The following PUS7L variants were observed in gnomAD, a reference collection of about 807,000 sequenced individuals.
PUS7L encodes the protein pseudouridylate synthase PUS7L.
A neutral mutation model predicts 51.1 loss-of-function variants in PUS7L; 49 were observed. That is an observed-to-expected ratio of 0.96 (90% CI 0.76 to 1.22). The LOEUF (loss-of-function observed/expected upper bound fraction) is 1.22, where lower values mean the gene tolerates loss of function less well. Among genes scored for constraint, PUS7L ranks in the 50% most tolerant of loss-of-function variants. The probability of loss-of-function intolerance (pLI) is 0.00; values close to 1 mark genes in which losing one functional copy is unlikely to be tolerated. For missense variants in PUS7L, 828 were observed against 820.6 expected, an observed-to-expected ratio of 1.01 and a Z score of -0.11; for synonymous variants, 277 against 276.2, an observed-to-expected ratio of 1.00 and a Z score of -0.03.
At chr12:43,750,154 T>A (rs1255743940) in intron 2 of PUS7L, among the ~76,000 whole-genome samples, 2 of 151,898 alleles carry the variant, frequency 1.3e-5, no homozygotes, top group African/African-American at 4.8e-5. Context: ...TTTGGACATG[T>A]CATTCAAAAA....
chr12:43,731,901 G>T, intron 7 of PUS7L, 143 bp from the exon 8 acceptor site: 1 of 595,042 alleles, frequency 1.7e-6, no homozygotes, highest in Non-Finnish European at 3.0e-6. Flanking sequence ...ATCATAATTT[G>T]TTTCTGGAGG....
chr12:43,735,872 G>A (rs1313853257), intron 7 of PUS7L, among the ~76,000 whole-genome samples: 1 of 152,066 alleles, frequency 6.6e-6, no homozygotes, highest in African/African-American at 2.4e-5. Context: ...CGCCTCCCAG[G>A]TTCAAGAGAT....
At chr12:43,736,203 C>T (rs1944684538) in intron 7 of PUS7L, among the ~76,000 whole-genome samples, 178 bp downstream of exon 7, 1 of 151,984 alleles carries the variant, frequency 6.6e-6, no homozygotes, top group South Asian at 2.1e-4. Context: ...TTCCATTTAC[C>T]AACATGTGTT....
chr12:43,730,608 GTCTGTAGTCCATC>G lies in PUS7L; in HGVS notation c.1861_1873del (p.Asp621HisfsTer9). On this transcript the variant is annotated frameshift_variant, in exon 9 of 9. Transcript: ENST00000344862. LOFTEE classifies it low-confidence loss of function (END_TRUNC). ...CAGAGTAGGTACTTTAAACCTACAT[GTCTGTAGTCCATC>G]TCTGCTAAGTATGTCATGGTACCAC... 1 of 1,612,638 alleles carries G rather than the reference GTCTGTAGTCCATC, an allele frequency of 6.2e-7. No homozygotes were observed. The highest frequency in any genetic ancestry group is 8.5e-7 in the Non-Finnish European group (1 of 1,178,750).
At position 43,754,973 on chromosome 12, in the gene PUS7L, C is replaced by G. The variant is rs370195483; in HGVS notation, c.273G>C (p.Leu91Phe). ...TTTGGTCACCATCAGTGTACTTAAT[C>G]AAAGTATGAACTTCTTGGTTTCTTC... ...EDGRNQEVHT[L>F]IKYTDGDQNH... The change falls in exon 2 of 9, where the codon TTG (leucine) becomes TTC (phenylalanine). Residue 91 changes from leucine (L) to phenylalanine (F), a missense_variant. Leu to Phe is a conservative substitution (Grantham distance 22, BLOSUM62 0). Coordinates refer to ENST00000344862, the MANE Select transcript of PUS7L (RefSeq NM_031292.5). 7.1e-5 allele frequency: 114 copies of G among 1,613,712 alleles called. No individual in the cohort carries two copies. The highest frequency in any genetic ancestry group is 2.2e-4 in the South Asian group (20 of 91,030).
rs776245410 is a variant in PUS7L, at chr12:43,754,626, C to T, written c.620G>A (p.Cys207Tyr). The change falls in exon 2 of 9, where the codon TGT becomes TAT. Residue 207 changes from cysteine (C) to tyrosine (Y), a missense_variant. Coordinates refer to ENST00000344862, the MANE Select transcript of PUS7L (RefSeq NM_031292.5). ...VKPNLEYKEL[C>Y]HLVSEEEAFD... ...TGCTTCCTCTTCAGATACCAAATGA[C>T]AAAGTTCTTTATATTCAAGATTTGG... 6.2e-7 allele frequency: 1 copy of T among 1,613,336 alleles called. No homozygotes were observed. Among genetic ancestry groups the T allele is most frequent in the Non-Finnish European group, 8.5e-7 (1 of 1,179,714 alleles).
At chr12:43,756,838 A>G (rs1397707980) in intron 1 of PUS7L, among the ~76,000 whole-genome samples, 1 of 152,226 alleles carries the variant, frequency 6.6e-6, no homozygotes, top group Admixed American at 6.5e-5. Context: ...TTCTATAACT[A>G]GCCCACAAAC....
At chr12:43,742,004 A>C (rs1195385653) in intron 5 of PUS7L, among the ~76,000 whole-genome samples, 1 of 152,186 alleles carries the variant, frequency 6.6e-6, no homozygotes, top group Non-Finnish European at 1.5e-5. Flanking sequence ...CGCTTTTAAT[A>C]TTTCAGCAAA....
rs532593833 is a variant in PUS7L at position 43,722,579 on chromosome 12, A to T, written c.*7797T>A. On this transcript the variant is annotated 3_prime_UTR_variant, in exon 9 of 9. Coordinates refer to ENST00000344862, the MANE Select transcript of PUS7L (RefSeq NM_031292.5). ...GATTCCTTTGCGATATTTTATAGAA[A>T]AATAAATTAGTTTCCTTTTGAAAAT... 244 of 152,270 alleles carry T rather than the reference A, an allele frequency of 1.6e-3. No individual in the cohort carries two copies. The highest frequency in any genetic ancestry group is 5.7e-3 in the African/African-American group (235 of 41,572). 9.4% of individuals were successfully genotyped at this position (152,270 alleles called of 1,614,324 possible). A position where few individuals can be genotyped will look rare whatever the true frequency, so the allele number is the denominator to read the frequency against.
rs1367875346 is a variant in PUS7L, at chr12:43,721,485, G to A, written c.*8891C>T. 2.6e-5 allele frequency: 4 copies of A among 152,120 alleles called. No individual in the cohort carries two copies. Among genetic ancestry groups the A allele is most frequent in the South Asian group, 2.1e-4 (1 of 4,836 alleles). 9.4% of individuals were successfully genotyped at this position (152,120 alleles called of 1,614,324 possible). On this transcript the variant is annotated 3_prime_UTR_variant, in exon 9 of 9. Coordinates refer to ENST00000344862, the MANE Select transcript of PUS7L (RefSeq NM_031292.5). Reference sequence around the variant, plus strand: ...CTATTTCAGAACTTTCTTGAGATGTGTATTCAGCAAATAAATTTGCTAAGG... The same window carrying A: ...CTATTTCAGAACTTTCTTGAGATGTATATTCAGCAAATAAATTTGCTAAGG...
intron 2 of PUS7L, among the ~76,000 whole-genome samples, chr12:43,751,004 A>G (rs1449729023): frequency 6.6e-6 from 1 of 152,052 alleles, no homozygotes; most frequent in Non-Finnish European, 1.5e-5. Flanking sequence ...GTTAAATGCT[A>G]TGTATTATTT....
intron 1 of PUS7L, among the ~76,000 whole-genome samples, chr12:43,757,327 C>T (rs151182544): frequency 0.016 from 2,359 of 152,144 alleles, 61 homozygotes; most frequent in African/African-American, 0.053. Flanking sequence ...CGCGCCACCA[C>T]GCCCGGCTAA....
chr12:43,750,292 A>G (rs1371526781), intron 2 of PUS7L, among the ~76,000 whole-genome samples: 1 of 152,226 alleles, frequency 6.6e-6, no homozygotes, highest in Non-Finnish European at 1.5e-5. Context: ...AACAAAATCA[A>G]ATCCATGATA....
intron 3 of PUS7L, among the ~76,000 whole-genome samples, chr12:43,747,464 C>T (rs1055942012): frequency 2.0e-5 from 3 of 152,012 alleles, no homozygotes; most frequent in Admixed American, 6.5e-5. Context: ...GAGGCTGAGG[C>T]GGGTGGATCA....
At chr12:43,758,688 C>CAT (rs1354182026) in intron 1 of PUS7L, 42 bp downstream of exon 1, 1 of 789,768 alleles carries the variant, frequency 1.3e-6, no homozygotes, top group Non-Finnish European at 1.5e-6. Context: ...CACACACACA[C>CAT]ATACAAGCCC....
chr12:43,730,312 A>G lies in PUS7L; in HGVS notation c.*64T>C. The G allele has an allele frequency of 4.9e-6, 6 of 1,212,270 alleles. No individual in the cohort carries two copies. Among genetic ancestry groups the G allele is most frequent in the Non-Finnish European group, 7.1e-6 (6 of 844,110 alleles). The allele number at this position is 1,212,270 out of a possible 1,614,324, so 75.1% of individuals were successfully genotyped here. A position where few individuals can be genotyped will look rare whatever the true frequency, so the allele number is the denominator to read the frequency against. On this transcript the variant is annotated 3_prime_UTR_variant, in exon 9 of 9. Transcript: ENST00000344862. ...GTTCCTAACACATGGAAGGTGCTTA[A>G]GACATTTTAGCCCCCTTTCCTTCAA... is the stretch of plus-strand genomic sequence containing the variant.
chr12:43,745,338 A>G (rs1270297030), intron 4 of PUS7L, among the ~76,000 whole-genome samples: 1 of 152,192 alleles, frequency 6.6e-6, no homozygotes, highest in Non-Finnish European at 1.5e-5. Context: ...CTCATCTTGA[A>G]TTGTAGTTTC....
chr12:43,755,168 A>G lies in PUS7L; in HGVS notation c.78T>C (p.Thr26=). 1.9e-6 allele frequency: 3 copies of G among 1,612,930 alleles called. No homozygotes were observed. Among genetic ancestry groups the G allele is most frequent in the South Asian group, 1.1e-5 (1 of 90,986 alleles). The change falls in exon 2 of 9, where the codon ACT becomes ACC. Residue 26 remains threonine, a synonymous_variant. Transcript: ENST00000344862. ...FFNDHVGFHG[T]IKSSPSDFIV... ...TAAAGTCACTTGGTGAGCTTTTTAT[A>G]GTGCCATGAAATCCAACGTGATCAT... is the stretch of plus-strand genomic sequence containing the variant.
At chr12:43,758,027 T>C (rs1028516115) in intron 1 of PUS7L, among the ~76,000 whole-genome samples, 3 of 152,154 alleles carry the variant, frequency 2.0e-5, no homozygotes, top group African/African-American at 7.2e-5. Context: ...AGTGACACAA[T>C]TCCAAAACAT....
Sources: gnomAD v4.1 joint callset for allele counts (sites outside exome capture counted in the v4.1 genomes callset) on GRCh38, gnomAD v4.1.1 for gene constraint, MANE v1.5 for transcripts, NCBI Gene and HGNC (gene_info 2026-07-23, HGNC 2026-07-21) for gene names.